SLC7A7: variants seen among roughly 807,000 people sequenced by gnomAD.
SLC7A7 encodes the protein solute carrier family 7 member 7.
In SLC7A7, 39 loss-of-function variants were observed where a neutral mutation model predicts 47.9. The observed-to-expected ratio is 0.81, with a 90% CI of 0.63 to 1.06. The LOEUF (loss-of-function observed/expected upper bound fraction) is 1.06, where lower values mean the gene tolerates loss of function less well. Among genes scored for constraint, SLC7A7 ranks in the 50% least tolerant of loss-of-function variants. The pLI, the probability that SLC7A7 is intolerant of heterozygous loss-of-function variation, is 0.00. For synonymous variants in SLC7A7, 234 were observed against 242.8 expected (o/e 0.96, Z 0.34); for missense variants, 588 against 632.0 (o/e 0.93, Z 0.75).
At chr14:22,819,389 T>A (rs868714368), upstream of SLC7A7, among the ~76,000 whole-genome samples, 10 of 148,236 alleles carry the variant, frequency 6.7e-5, no homozygotes, top group Middle Eastern at 3.4e-3. Context: ...TATATTCCAC[T>A]GTGGCTAAGA....
Position 22,813,444 on chromosome 14 carries a change from T to G in SLC7A7, c.-42-4A>C, listed in dbSNP as rs2039355596. The G allele has an allele frequency of 6.2e-7, 1 of 1,601,644 alleles. No individual in the cohort carries two copies. Among genetic ancestry groups the G allele is most frequent in the Non-Finnish European group, 8.5e-7 (1 of 1,179,536 alleles). On this transcript the variant is annotated splice_region_variant and splice_polypyrimidine_tract_variant and intron_variant, in intron 1 of 9. Transcript: ENST00000674313. Reference sequence around the variant, plus strand: ...TCACCAGCTTCCTGGCATTGCCCTTTAAGGAAGAAAGATGATGCTATAGAT... The same window carrying G: ...TCACCAGCTTCCTGGCATTGCCCTTGAAGGAAGAAAGATGATGCTATAGAT...
chr14:22,795,406 C>CTT (rs1205973382), intron 2 of SLC7A7, among the ~76,000 whole-genome samples: 6 of 98,642 alleles, frequency 6.1e-5, no homozygotes, highest in Non-Finnish European at 1.2e-4. Context: ...TTCTTTCTTT[C>CTT]TTTCTTTCTT....
At chr14:22,774,532 C>T in intron 7 of SLC7A7, 29 bp from the exon 8 acceptor site, 1 of 1,614,096 alleles carries the variant, frequency 6.2e-7, no homozygotes. Context: ...GTCAGCTCTT[C>T]TCAGGGCCTT....
intron 2 of SLC7A7, among the ~76,000 whole-genome samples, chr14:22,787,559 CT>C: frequency 6.6e-6 from 1 of 151,172 alleles, no homozygotes; most frequent in Admixed American, 6.6e-5. Context: ...CGAGACCAGC[CT>C]GGCAATATGG....
intron 2 of SLC7A7, among the ~76,000 whole-genome samples, chr14:22,811,826 G>A (rs567383691): frequency 1.3e-3 from 164 of 129,910 alleles, no homozygotes; most frequent in Non-Finnish European, 2.2e-3. Flanking sequence ...AAGCCTGGGC[G>A]ACAGAGTGAC....
At chr14:22,778,501 TA>T (rs1158530830) in intron 4 of SLC7A7, among the ~76,000 whole-genome samples, 3 of 152,188 alleles carry the variant, frequency 2.0e-5, no homozygotes, top group African/African-American at 7.2e-5. Context: ...AAATCTGTTT[TA>T]AAAACATACA....
upstream of SLC7A7, among the ~76,000 whole-genome samples, chr14:22,818,851 C>T (rs2039441363): frequency 6.6e-6 from 1 of 152,092 alleles, no homozygotes; most frequent in South Asian, 2.1e-4. Context: ...CTCAGCCTCC[C>T]AAAGTGCTGG....
Position 22,786,571 on chromosome 14 carries a change from T to C in SLC7A7, c.500-6520A>G, listed in dbSNP as rs182193507. ...GGAGTCTCAACCTGAAATCATTGTT[T>C]ACTACAACTCCTTTCTTTCCCACCT... On this transcript the variant is annotated intron_variant, in intron 2 of 9. Coordinates refer to ENST00000674313, the MANE Select transcript of SLC7A7 (RefSeq NM_003982.4). Among the ~76,000 whole-genome samples, 108 of 152,354 alleles carry C rather than the reference T, an allele frequency of 7.1e-4. 1 individual carries two copies. Among genetic ancestry groups the C allele is most frequent in the Non-Finnish European group, 1.0e-4 (7 of 68,044 alleles).
chr14:22,785,791 G>T (rs1430678809), intron 2 of SLC7A7, among the ~76,000 whole-genome samples: 2 of 151,194 alleles, frequency 1.3e-5, no homozygotes, highest in Non-Finnish European at 1.5e-5. Context: ...GGGAAGCTGA[G>T]GCAGGCGGAT....
chr14:22,805,203 T>C (rs1472680451), intron 2 of SLC7A7, among the ~76,000 whole-genome samples: 3 of 152,022 alleles, frequency 2.0e-5, no homozygotes, highest in African/African-American at 7.3e-5. Context: ...CCATATCTAC[T>C]AAAAATACAA....
intron 2 of SLC7A7, among the ~76,000 whole-genome samples, chr14:22,807,937 A>G (rs1160825396): frequency 1.3e-5 from 2 of 152,146 alleles, no homozygotes; most frequent in African/African-American, 4.8e-5. Context: ...TGAGGCGGGC[A>G]GTTCGCCTGA....
At position 22,773,324 on chromosome 14, in the gene SLC7A7, AGAG is replaced by A. The variant is rs1419217942; in HGVS notation, c.*283_*285del. On this transcript the variant is annotated 3_prime_UTR_variant, in exon 10 of 10. Transcript: ENST00000674313. ...GCATTGTGGGCCCTTTTAAAAGAAA[AGAG>A]GAGTAGGTAGGCACACCCAGGTGCT... The A allele has an allele frequency of 2.8e-5, 15 of 533,824 alleles. No individual in the cohort carries two copies. Among genetic ancestry groups the A allele is most frequent in the East Asian group, 1.9e-4 (4 of 20,790 alleles). 33.1% of individuals were successfully genotyped at this position (533,824 alleles called of 1,614,324 possible). A position where few individuals can be genotyped will look rare whatever the true frequency, so the allele number is the denominator to read the frequency against.
chr14:22,781,946 C>T (rs1291098148), intron 2 of SLC7A7, among the ~76,000 whole-genome samples: 1 of 152,194 alleles, frequency 6.6e-6, no homozygotes, highest in Non-Finnish European at 1.5e-5. Context: ...AGCTCTAGTT[C>T]AGACTCAGAG....
At chr14:22,775,341 T>C (rs2038579519) in intron 7 of SLC7A7, 103 bp downstream of exon 7, 6 of 965,772 alleles carry the variant, frequency 6.2e-6, no homozygotes, top group South Asian at 3.9e-5. Flanking sequence ...AGTTTTTCTA[T>C]TGGAATCTTT....
At chr14:22,783,417 T>A (rs76416241) in intron 2 of SLC7A7, among the ~76,000 whole-genome samples, 16 of 150,328 alleles carry the variant, frequency 1.1e-4, no homozygotes, top group Non-Finnish European at 1.5e-4. Context: ...TTTTTTTTTT[T>A]TTCGAGACAG....
At chr14:22,799,483 C>A (rs182664304) in intron 2 of SLC7A7, among the ~76,000 whole-genome samples, 3 of 81,504 alleles carry the variant, frequency 3.7e-5, no homozygotes, top group East Asian at 8.8e-4. Context: ...GAGACAGAAT[C>A]TTGCTCTGTC....
chr14:22,781,014 A>G (rs1178582286), intron 2 of SLC7A7, among the ~76,000 whole-genome samples: 3 of 151,212 alleles, frequency 2.0e-5, no homozygotes. Flanking sequence ...GCCGAGAAGA[A>G]AGTTGGAAAA....
intron 2 of SLC7A7, among the ~76,000 whole-genome samples, chr14:22,789,491 G>A (rs986232295): frequency 1.3e-5 from 2 of 152,002 alleles, no homozygotes; most frequent in Non-Finnish European, 2.9e-5. Flanking sequence ...AGCTGGGTGT[G>A]GTGGTGGGTG....
At chr14:22,778,714 G>T in intron 4 of SLC7A7, 79 bp downstream of exon 4, 2 of 1,487,122 alleles carry the variant, frequency 1.3e-6, no homozygotes, top group South Asian at 1.2e-5. Context: ...AGTGGTTGTG[G>T]TATGCTGTCT....
Sources: gnomAD v4.1 joint callset for allele counts (sites outside exome capture counted in the v4.1 genomes callset) on GRCh38, gnomAD v4.1.1 for gene constraint, MANE v1.5 for transcripts, NCBI Gene and HGNC (gene_info 2026-07-23, HGNC 2026-07-21) for gene names.